The following KCNN2 variants were observed in gnomAD, a reference collection of about 807,000 sequenced individuals.
KCNN2 encodes small conductance calcium-activated potassium channel protein 2.
KCNN2 carries 24 observed loss-of-function variants against 55.5 expected under a neutral mutation model. The ratio of observed to expected loss-of-function variants is 0.43; its 90% CI spans 0.31 to 0.61. KCNN2 has a LOEUF of 0.61. Among genes scored for constraint, KCNN2 ranks in the 20% least tolerant of loss-of-function variants. The pLI is 0.08. For synonymous variants in KCNN2, 431 were observed against 336.1 expected (o/e 1.28, Z -3.09); for missense variants, 754 against 853.6 (o/e 0.88, Z 1.45).
intron 2 of KCNN2, among the ~76,000 whole-genome samples, chr5:114,309,256 G>A (rs958779651): frequency 1.3e-5 from 2 of 152,100 alleles, no homozygotes; most frequent in African/African-American, 4.8e-5. Context: ...ATTTTTCAGA[G>A]GTAAATAGCG....
chr5:114,108,125 A>T (rs1415162761), intron 1 of KCNN2, among the ~76,000 whole-genome samples: 1 of 151,988 alleles, frequency 6.6e-6, no homozygotes, highest in Non-Finnish European at 1.5e-5. Context: ...CCTCTCTAGG[A>T]CAGTGTTGCA....
chr5:114,078,094 T>C (rs763543376), intron 1 of KCNN2, among the ~76,000 whole-genome samples: 7 of 152,198 alleles, frequency 4.6e-5, no homozygotes, highest in Non-Finnish European at 1.0e-4. Flanking sequence ...TGTGCAAATG[T>C]AGTGCAGAAA....
At chr5:114,209,031 C>CT (rs1175035263) in intron 1 of KCNN2, among the ~76,000 whole-genome samples, 1 of 151,014 alleles carries the variant, frequency 6.6e-6, no homozygotes, top group African/African-American at 2.4e-5. Flanking sequence ...TAGCCTTTTG[C>CT]TTCTCTTGAT....
chr5:114,232,693 G>A (rs1008107950), intron 2 of KCNN2, among the ~76,000 whole-genome samples: 4 of 150,644 alleles, frequency 2.7e-5, no homozygotes, highest in African/African-American at 7.5e-5. Flanking sequence ...AGCTTAAAAA[G>A]TATTGTTCTT....
intron 3 of KCNN2, among the ~76,000 whole-genome samples, chr5:114,456,988 A>G (rs58946775): frequency 0.054 from 8,167 of 152,272 alleles, 701 homozygotes; most frequent in African/African-American, 0.19. Flanking sequence ...AATGACAACA[A>G]AGACTTTAGA....
chr5:114,332,509 A>G (rs1315722021), intron 2 of KCNN2, among the ~76,000 whole-genome samples: 1 of 152,200 alleles, frequency 6.6e-6, no homozygotes, highest in Non-Finnish European at 1.5e-5. Flanking sequence ...TAGATTATGA[A>G]CTGGCTTAAC....
chr5:114,412,225 C>T (rs1373784034), intron 3 of KCNN2, among the ~76,000 whole-genome samples: 1 of 152,098 alleles, frequency 6.6e-6, no homozygotes, highest in Non-Finnish European at 1.5e-5. Flanking sequence ...TAATCTTGTA[C>T]ATACTGATTT....
chr5:114,101,721 G>C (rs1158760659), intron 1 of KCNN2, among the ~76,000 whole-genome samples: 1 of 152,108 alleles, frequency 6.6e-6, no homozygotes, highest in African/African-American at 2.4e-5. Flanking sequence ...TGCTGAGAAT[G>C]ATGGTTTCCA....
chr5:114,338,776 C>A (rs1166922712), intron 2 of KCNN2, among the ~76,000 whole-genome samples: 3 of 152,158 alleles, frequency 2.0e-5, no homozygotes, highest in African/African-American at 7.2e-5. Context: ...TGTCCCCATG[C>A]CCTGCAGCCT....
intron 3 of KCNN2, among the ~76,000 whole-genome samples, chr5:114,458,876 G>T (rs2150111155): frequency 6.6e-6 from 1 of 152,282 alleles, no homozygotes; most frequent in Admixed American, 6.5e-5. Flanking sequence ...CCAGCAGAAG[G>T]AAATACATCT....
At chr5:114,431,256 T>C (rs1025687134) in intron 3 of KCNN2, among the ~76,000 whole-genome samples, 4 of 152,164 alleles carry the variant, frequency 2.6e-5, no homozygotes, top group African/African-American at 9.6e-5. Flanking sequence ...AGTAGTTTTC[T>C]GGATTTCTTT....
At chr5:114,115,140 T>C (rs1261170149) in intron 1 of KCNN2, among the ~76,000 whole-genome samples, 3 of 152,158 alleles carry the variant, frequency 2.0e-5, no homozygotes, top group South Asian at 2.1e-4. Context: ...CAGGCTTTCA[T>C]TGAGTTCACT....
intron 2 of KCNN2, 110 bp downstream of exon 2, chr5:114,364,111 C>T (rs985615535): frequency 5.3e-6 from 4 of 759,922 alleles, no homozygotes; most frequent in Non-Finnish European, 6.8e-6. Context: ...CTTGAGGTTA[C>T]AGAAGACACA....
intron 2 of KCNN2, among the ~76,000 whole-genome samples, chr5:114,364,461 A>G (rs1283820348): frequency 1.3e-5 from 2 of 152,166 alleles, no homozygotes; most frequent in Non-Finnish European, 1.5e-5. Context: ...CAGCTAATTT[A>G]TATAAATGAG....
intron 1 of KCNN2, among the ~76,000 whole-genome samples, chr5:114,110,238 G>A (rs1395673962): frequency 6.6e-6 from 1 of 152,028 alleles, no homozygotes; most frequent in Non-Finnish European, 1.5e-5. Flanking sequence ...CAGGTAACAA[G>A]CCAATACTGG....
At chr5:114,134,543 T>C (rs1205367778) in intron 1 of KCNN2, among the ~76,000 whole-genome samples, 2 of 151,676 alleles carry the variant, frequency 1.3e-5, no homozygotes, top group African/African-American at 2.4e-5. Flanking sequence ...TGGTGCGATC[T>C]CAGCTCACTG....
intron 1 of KCNN2, among the ~76,000 whole-genome samples, chr5:114,150,438 G>A (rs1443623716): frequency 6.6e-6 from 1 of 152,090 alleles, no homozygotes; most frequent in East Asian, 1.9e-4. Context: ...AGTAGAGAAA[G>A]TAAAAATGTT....
chr5:114,289,065 A>T (rs189567401), intron 2 of KCNN2, among the ~76,000 whole-genome samples: 39 of 152,256 alleles, frequency 2.6e-4, no homozygotes, highest in African/African-American at 9.1e-4. Flanking sequence ...GAACGTGGAT[A>T]TACAGTTTTA....
intron 1 of KCNN2, among the ~76,000 whole-genome samples, chr5:114,131,909 T>G (rs1246970834): frequency 6.6e-6 from 1 of 152,260 alleles, no homozygotes; most frequent in Non-Finnish European, 1.5e-5. Flanking sequence ...CTATTCTTGT[T>G]GGCCACATAA....
Sources: gnomAD v4.1 joint callset for allele counts (sites outside exome capture counted in the v4.1 genomes callset) on GRCh38, gnomAD v4.1.1 for gene constraint, MANE v1.5 for transcripts, NCBI Gene and HGNC (gene_info 2026-07-23, HGNC 2026-07-21) for gene names.